The following SMARCC1 variants were observed in gnomAD, a reference collection of about 807,000 sequenced individuals.
The protein encoded by SMARCC1 is SWI/SNF complex subunit SMARCC1.
A neutral mutation model predicts 147.4 loss-of-function variants in SMARCC1; 43 were observed. The observed-to-expected ratio is 0.29, with a 90% CI of 0.23 to 0.38. The LOEUF is 0.38. SMARCC1 is among the 10% of genes least tolerant of loss of function. SMARCC1 has a pLI of 1.00. For synonymous variants in SMARCC1, 495 were observed against 484.4 expected (o/e 1.02, Z -0.29); for missense variants, 1,119 against 1,381.1 (o/e 0.81, Z 3.01).
At chr3:47,680,204 AGAGT>A (rs567257361) in intron 15 of SMARCC1, 1 of 406,056 alleles carries the variant, frequency 2.5e-6, no homozygotes, top group Non-Finnish European at 4.4e-6. Context: ...CCTGGGCAAC[AGAGT>A]GAGACCCTGT....
chr3:47,639,093 G>A (rs1403581618), intron 21 of SMARCC1, among the ~76,000 whole-genome samples: 1 of 152,126 alleles, frequency 6.6e-6, no homozygotes, highest in East Asian at 1.9e-4. Flanking sequence ...TCTGTTTCTA[G>A]GTCTGGAATT....
At position 47,778,466 on chromosome 3, in the gene SMARCC1, C is replaced by T. The variant is rs1019854120; in HGVS notation, c.195+3137G>A. On this transcript the variant is annotated intron_variant, in intron 1 of 27. Transcript: ENST00000254480. ...TAGCTGGGACTACACGTGCATGCCA[C>T]CACAACTGATGTATTTTTTTGTTTT... Among the ~76,000 whole-genome samples, 4 of 151,800 alleles carry T rather than the reference C, an allele frequency of 2.6e-5. No homozygotes were observed. In the East Asian group the frequency reaches 7.8e-4, roughly 29 times the overall value.
intron 2 of SMARCC1, among the ~76,000 whole-genome samples, chr3:47,756,525 C>T (rs2034699373): frequency 9.5e-6 from 1 of 104,892 alleles, no homozygotes; most frequent in African/African-American, 3.7e-5. Flanking sequence ...AAGAGCGAAA[C>T]TCCGTCTCAA....
chr3:47,723,490 A>T (rs1292233848), intron 6 of SMARCC1, among the ~76,000 whole-genome samples: 5 of 151,480 alleles, frequency 3.3e-5, no homozygotes, highest in Admixed American at 3.3e-4. Flanking sequence ...AAAAAAATTT[A>T]AAAGGCCTAC....
chr3:47,774,723 T>A (rs937318451), intron 1 of SMARCC1, among the ~76,000 whole-genome samples: 3 of 152,192 alleles, frequency 2.0e-5, no homozygotes, highest in Middle Eastern at 3.4e-3. Context: ...TTAAAAACTT[T>A]AAAAACTACA....
chr3:47,681,833 A>G (rs2033647853), intron 14 of SMARCC1, among the ~76,000 whole-genome samples: 1 of 152,144 alleles, frequency 6.6e-6, no homozygotes, highest in Admixed American at 6.6e-5. Context: ...AACTAATTAC[A>G]TAATTCTAAT....
chr3:47,735,276 C>T (rs2034428442), intron 5 of SMARCC1, among the ~76,000 whole-genome samples: 1 of 152,004 alleles, frequency 6.6e-6, no homozygotes. Context: ...CTAACGACTC[C>T]ATAGCAATGA....
At chr3:47,651,898 G>T (rs1273864988) in intron 21 of SMARCC1, among the ~76,000 whole-genome samples, 1 of 152,188 alleles carries the variant, frequency 6.6e-6, no homozygotes, top group Non-Finnish European at 1.5e-5. Context: ...CACTGAGTTT[G>T]ATTTTTTGTG....
intron 7 of SMARCC1, among the ~76,000 whole-genome samples, chr3:47,720,217 G>A (rs1029131628): frequency 4.0e-5 from 6 of 151,772 alleles, no homozygotes; most frequent in South Asian, 2.1e-4. Context: ...TCCACCTCCC[G>A]GGTTCAAGGG....
intron 8 of SMARCC1, among the ~76,000 whole-genome samples, chr3:47,713,480 A>G (rs2034116516): frequency 6.6e-6 from 1 of 152,096 alleles, no homozygotes; most frequent in Non-Finnish European, 1.5e-5. Flanking sequence ...GCTGGAGTGA[A>G]GTGGTTGCAA....
intron 1 of SMARCC1, among the ~76,000 whole-genome samples, chr3:47,779,770 A>T (rs992671066): frequency 2.6e-5 from 4 of 151,960 alleles, no homozygotes; most frequent in African/African-American, 9.7e-5. Flanking sequence ...GCCTTTTTCT[A>T]CTCTCTTCCT....
chr3:47,763,339 A>T (rs2034796954), intron 2 of SMARCC1, among the ~76,000 whole-genome samples: 1 of 150,816 alleles, frequency 6.6e-6, no homozygotes, highest in Non-Finnish European at 1.5e-5. Context: ...TCAGAGGACA[A>T]GGCAGGAGGA....
At chr3:47,590,543 C>G (rs1031474886) in intron 27 of SMARCC1, 118 bp downstream of exon 27, 1 of 828,928 alleles carries the variant, frequency 1.2e-6, no homozygotes, top group Non-Finnish European at 1.8e-6. Context: ...GCCACTGTCA[C>G]AGACTGCATC....
chr3:47,766,531 G>A (rs2034842763), intron 2 of SMARCC1, among the ~76,000 whole-genome samples: 3 of 152,074 alleles, frequency 2.0e-5, no homozygotes, highest in Admixed American at 6.6e-5. Context: ...TTGAGATCAT[G>A]CCACTGCACT....
chr3:47,762,476 T>C (rs1378337959), intron 2 of SMARCC1, among the ~76,000 whole-genome samples: 1 of 152,240 alleles, frequency 6.6e-6, no homozygotes, highest in Non-Finnish European at 1.5e-5. Flanking sequence ...AGATAGCTTA[T>C]GAACTGTGAC....
At chr3:47,706,062 T>C (rs2033988781) in intron 10 of SMARCC1, among the ~76,000 whole-genome samples, 2 of 151,744 alleles carry the variant, frequency 1.3e-5, no homozygotes, top group Non-Finnish European at 2.9e-5. Context: ...ATGGGACAAG[T>C]GGTAAAATCA....
At chr3:47,610,582 T>C in intron 25 of SMARCC1, 1 of 510,160 alleles carries the variant, frequency 2.0e-6, no homozygotes, top group Admixed American at 3.2e-5. Flanking sequence ...CTTCCCGCAG[T>C]AGGGCTACTG....
chr3:47,660,319 G>A (rs566217954), intron 21 of SMARCC1, among the ~76,000 whole-genome samples: 6 of 151,744 alleles, frequency 4.0e-5, no homozygotes, highest in Non-Finnish European at 7.4e-5. Context: ...GGTGGCAGGC[G>A]CCTGTAGTCC....
At chr3:47,634,384 C>T (rs991050680) in intron 24 of SMARCC1, among the ~76,000 whole-genome samples, 23 of 152,280 alleles carry the variant, frequency 1.5e-4, no homozygotes, top group African/African-American at 5.5e-4. Flanking sequence ...TCAGATTAAA[C>T]ACTTAGAGAA....
Sources: allele counts gnomAD v4.1 joint callset (sites outside exome capture counted in the v4.1 genomes callset), GRCh38; gene constraint gnomAD v4.1.1; transcripts MANE v1.5; gene names NCBI Gene and HGNC (gene_info 2026-07-23, HGNC 2026-07-21).